Variants in TLE3 observed in about 807,000 individuals in gnomAD.
The protein encoded by TLE3 is TLE family member 3, transcriptional corepressor.
TLE3 carries 14 observed loss-of-function variants against 93.0 expected under a neutral mutation model. That is an observed-to-expected ratio of 0.15 (90% CI 0.10 to 0.24). TLE3 has a LOEUF of 0.24. Ranked by LOEUF, TLE3 falls within the 10% of genes least tolerant of loss-of-function variation. The pLI, the probability that TLE3 is intolerant of heterozygous loss-of-function variation, is 1.00. For missense variants in TLE3, 693 were observed against 1,046.6 expected, an observed-to-expected ratio of 0.66 and a Z score of 4.66; for synonymous variants, 451 against 425.0, an observed-to-expected ratio of 1.06 and a Z score of -0.75.
intron 8 of TLE3, among the ~76,000 whole-genome samples, chr15:70,061,970 T>A (rs988440818): frequency 6.6e-6 from 1 of 152,166 alleles, no homozygotes; most frequent in Non-Finnish European, 1.5e-5. Flanking sequence ...CTTCTCCACT[T>A]TCCCAGAGGC....
At chr15:70,069,993 T>A (rs756918593) in intron 6 of TLE3, among the ~76,000 whole-genome samples, 7 of 152,258 alleles carry the variant, frequency 4.6e-5, no homozygotes, top group Non-Finnish European at 1.0e-4. Flanking sequence ...GCTTTCCCCA[T>A]GGCAGAGAAA....
intron 7 of TLE3, 35 bp downstream of exon 7, chr15:70,065,979 G>GC: frequency 7.7e-5 from 84 of 1,089,062 alleles, no homozygotes; most frequent in Non-Finnish European, 1.1e-4. Flanking sequence ...GCCCACCCCT[G>GC]CCCCGCCCCA....
chr15:70,076,302 A>G, intron 4 of TLE3, 144 bp from the exon 5 acceptor site: 1 of 705,830 alleles, frequency 1.4e-6, no homozygotes, highest in Non-Finnish European at 2.5e-6. Flanking sequence ...TCAGCCTCCT[A>G]CCAGGAGGCT....
chr15:70,058,431 G>T lies in TLE3; in HGVS notation c.919-140C>A. On this transcript the variant is annotated intron_variant, in intron 11 of 19. Coordinates refer to ENST00000451782, the MANE Select transcript of TLE3 (RefSeq NM_001105192.3). The surrounding 1 kb of genome is among the most constrained non-coding windows in gnomAD (Gnocchi z 4.1). The stretch of plus-strand genomic sequence containing the variant: ...TCTGCCGAACAGCCTCTCAATCCTT[G>T]CCCAACCTTGTTTGGCAGGGACTGG... The T allele has an allele frequency of 7.0e-7, 1 of 1,424,358 alleles. No individual in the cohort carries two copies. 88.2% of individuals were successfully genotyped at this position (1,424,358 alleles called of 1,614,324 possible).
In TLE3 at chr15:70,058,069, C is replaced by T; in HGVS notation, c.1051+90G>A. On this transcript the variant is annotated intron_variant, in intron 12 of 19. Transcript: ENST00000451782. The surrounding 1 kb of genome is among the most constrained non-coding windows in gnomAD (Gnocchi z 4.1). The stretch of plus-strand genomic sequence containing the variant: ...TGGGAGACACTGCCTGTGCTCTATC[C>T]CATGCGTGTGTGTCACCCCTGCCCT... 6.3e-7 allele frequency: 1 copy of T among 1,585,898 alleles called. No individual in the cohort carries two copies.
At chr15:70,081,755 T>C (rs2057790161) in intron 4 of TLE3, among the ~76,000 whole-genome samples, 1 of 152,196 alleles carries the variant, frequency 6.6e-6, no homozygotes, top group Non-Finnish European at 1.5e-5. Context: ...CATGGTACTG[T>C]GAGTCTGAGA....
At position 70,082,128 on chromosome 15, in the gene TLE3, C is replaced by T. The variant is rs531805630; in HGVS notation, c.235-5970G>A. Among the ~76,000 whole-genome samples, 9 of 152,288 alleles carry T rather than the reference C, an allele frequency of 5.9e-5. No individual in the cohort carries two copies. The East Asian group carries it at 1.5e-3, about 26-fold the overall frequency. The stretch of plus-strand genomic sequence containing the variant: ...CCTCCCAGCAGCCAGGCGCCAATCA[C>T]CCAGATTCAGAATACCACGTCTGGG... On this transcript the variant is annotated intron_variant, in intron 4 of 19. Transcript: ENST00000451782.
intron 1 of TLE3, chr15:70,096,521 G>T: frequency 7.8e-7 from 1 of 1,281,062 alleles, no homozygotes; most frequent in Non-Finnish European, 1.1e-6. Flanking sequence ...CGGGTGAGTT[G>T]GGAGACTTCA....
chr15:70,058,381 C>A lies in TLE3; in HGVS notation c.919-90G>T. 1 of 1,516,686 alleles carries A rather than the reference C, an allele frequency of 6.6e-7. No individual in the cohort carries two copies. Among genetic ancestry groups the A allele is most frequent in the Non-Finnish European group, 8.8e-7 (1 of 1,130,364 alleles). 94.0% of individuals were successfully genotyped at this position (1,516,686 alleles called of 1,614,324 possible). Reference sequence around the variant, plus strand: ...AACTGGTGCCGGTCCCAACGTGAAGCCCAGAGCCAGACCCTTATGAAGCTT... The same window carrying A: ...AACTGGTGCCGGTCCCAACGTGAAGACCAGAGCCAGACCCTTATGAAGCTT... On this transcript the variant is annotated intron_variant, in intron 11 of 19. Coordinates refer to ENST00000451782, the MANE Select transcript of TLE3 (RefSeq NM_001105192.3). This position sits in a 1 kb window ranked among gnomAD's most constrained non-coding sequence, Gnocchi z 4.1.
chr15:70,058,439 T>A lies in TLE3; in HGVS notation c.919-148A>T. ...ACAGCCTCTCAATCCTTGCCCAACC[T>A]TGTTTGGCAGGGACTGGGGTGATCA... On this transcript the variant is annotated intron_variant, in intron 11 of 19. Transcript: ENST00000451782. This position sits in a 1 kb window ranked among gnomAD's most constrained non-coding sequence, Gnocchi z 4.1. 1 of 1,392,618 alleles carries A rather than the reference T, an allele frequency of 7.2e-7. No homozygotes were observed. Among genetic ancestry groups the A allele is most frequent in the Non-Finnish European group, 9.7e-7 (1 of 1,026,966 alleles). The allele number at this position is 1,392,618 out of a possible 1,614,324, so 86.3% of individuals were successfully genotyped here.
In TLE3 at chr15:70,048,704, T is replaced by C. The variant is rs1000478569; in HGVS notation, c.*1393A>G. On this transcript the variant is annotated 3_prime_UTR_variant, in exon 20 of 20. Transcript: ENST00000451782. The stretch of plus-strand genomic sequence containing the variant: ...CCAAATCCTAACACCTCAGAACATG[T>C]TGGTACCAAAAGGTGGCACCTGCCA... 8 of 151,164 alleles carry C rather than the reference T, an allele frequency of 5.3e-5. No individual in the cohort carries two copies. The highest frequency in any genetic ancestry group is 1.9e-4 in the African/African-American group (8 of 41,178). The allele number at this position is 151,164 out of a possible 1,614,324, so 9.4% of individuals were successfully genotyped here.
At chr15:70,082,606 A>T (rs747683779) in intron 4 of TLE3, among the ~76,000 whole-genome samples, 21 of 152,316 alleles carry the variant, frequency 1.4e-4, no homozygotes, top group Non-Finnish European at 2.6e-4. Flanking sequence ...ACGCCATTAA[A>T]TATTTATGCC....
chr15:70,077,012 C>A (rs1224167023), intron 4 of TLE3, among the ~76,000 whole-genome samples: 9 of 152,156 alleles, frequency 5.9e-5, no homozygotes, highest in Non-Finnish European at 1.0e-4. Context: ...GCCACCATGC[C>A]CAGCCAACAC....
At chr15:70,050,407 T>G in intron 19 of TLE3, 1 of 505,816 alleles carries the variant, frequency 2.0e-6, no homozygotes, top group South Asian at 2.4e-5. Flanking sequence ...ATGAAGCATT[T>G]TCAGGTAGAG....
intron 16 of TLE3, 129 bp downstream of exon 16, chr15:70,054,309 C>T (rs1049176034): frequency 7.4e-7 from 1 of 1,359,330 alleles, no homozygotes; most frequent in Non-Finnish European, 1.0e-6. Context: ...CCTGTGCATC[C>T]CTCATCCCAA....
At chr15:70,061,329 A>G (rs1205328481) in intron 8 of TLE3, among the ~76,000 whole-genome samples, 1 of 152,142 alleles carries the variant, frequency 6.6e-6, no homozygotes, top group Non-Finnish European at 1.5e-5. Flanking sequence ...GGGCAGGGAC[A>G]GTCACTGCCT....
chr15:70,065,984 G>GCCCCC, intron 7 of TLE3, 30 bp downstream of exon 7: 16 of 768,606 alleles, frequency 2.1e-5, no homozygotes, highest in Admixed American at 2.3e-5. Context: ...CCCCTGCCCC[G>GCCCCC]CCCCACCCTC....
intron 1 of TLE3, chr15:70,096,535 C>T (rs916988507): frequency 2.3e-5 from 31 of 1,349,000 alleles, no homozygotes; most frequent in Non-Finnish European, 2.9e-5. Context: ...GACTTCAGAG[C>T]GGGGCCGGGG....
chr15:70,060,614 G>T lies in TLE3; in HGVS notation c.630C>A (p.Ala210=), dbSNP rs750823598. 6.2e-7 allele frequency: 1 copy of T among 1,613,998 alleles called. No homozygotes were observed. Among genetic ancestry groups the T allele is most frequent in the East Asian group, 2.2e-5 (1 of 44,876 alleles). ...CCGCAGAGCCCCGGTGCTTCTCACT[G>T]GCCCGGAGGCTTTCCGAGGGTGACA... ...NSVSPSESLR[A]SEKHRGSADY... Residue 210 remains alanine (A), a synonymous_variant, in exon 9 of 20, where the codon GCC becomes GCA. Transcript: ENST00000451782.
Sources: gnomAD v4.1 joint callset for allele counts (sites outside exome capture counted in the v4.1 genomes callset) on GRCh38, gnomAD v4.1.1 for gene constraint, Gnocchi (gnomAD v3.1) non-coding constraint, MANE v1.5 for transcripts, NCBI Gene and HGNC (gene_info 2026-07-23, HGNC 2026-07-21) for gene names.